The following GLCE variants were observed in gnomAD, a reference collection of about 807,000 sequenced individuals.
GLCE encodes D-glucuronyl C5-epimerase.
Under a neutral mutation model 47.9 loss-of-function variants are expected in GLCE, and 19 were observed. The ratio of observed to expected loss-of-function variants is 0.40; its 90% CI spans 0.28 to 0.58. GLCE has a LOEUF of 0.58. Among genes scored for constraint, GLCE ranks in the 20% least tolerant of loss-of-function variants. The pLI, the probability that GLCE is intolerant of heterozygous loss-of-function variation, is 0.48. For synonymous variants in GLCE, 245 were observed against 263.4 expected (o/e 0.93, Z 0.68); for missense variants, 556 against 743.3 (o/e 0.75, Z 2.93).
chr15:69,267,783 A>G (rs188500431), intron 4 of GLCE, among the ~76,000 whole-genome samples: 1 of 151,652 alleles, frequency 6.6e-6, no homozygotes, highest in African/African-American at 2.4e-5. Flanking sequence ...TTTAAAATTC[A>G]TGTATAACCA....
intron 1 of GLCE, among the ~76,000 whole-genome samples, chr15:69,205,861 A>G (rs1003870894): frequency 3.3e-5 from 5 of 152,100 alleles, no homozygotes; most frequent in Non-Finnish European, 7.4e-5. Context: ...AGGTGTATAG[A>G]AGAGTTACAA....
chr15:69,257,871 A>C (rs2052950296), intron 3 of GLCE, among the ~76,000 whole-genome samples: 1 of 152,068 alleles, frequency 6.6e-6, no homozygotes, highest in Non-Finnish European at 1.5e-5. Flanking sequence ...TTTTAAATGC[A>C]TGAAATTAAT....
In GLCE at chr15:69,270,806, A is replaced by C. The variant is rs1187614144; in HGVS notation, c.*1562A>C. The C allele has an allele frequency of 6.7e-6, 1 of 149,254 alleles. No homozygotes were observed. The highest frequency in any genetic ancestry group is 1.5e-5 in the Non-Finnish European group (1 of 67,006). 9.2% of individuals were successfully genotyped at this position (149,254 alleles called of 1,614,324 possible). On this transcript the variant is annotated 3_prime_UTR_variant, in exon 5 of 5. Transcript: ENST00000261858. ...GACATTAGACTGGCCATAGAAAAGT[A>C]AGCTTGAACTCCCAATTGATGTGAC...
chr15:69,255,098 A>G lies in GLCE; in HGVS notation c.-13-696A>G, dbSNP rs890804223. Among the ~76,000 whole-genome samples, 36 of 152,222 alleles carry G rather than the reference A, an allele frequency of 2.4e-4. 2 individuals are homozygous for G. Among genetic ancestry groups the G allele is most frequent in the Non-Finnish European group, 1.5e-5 (1 of 68,032 alleles). ...ATTTTATGCTGTTAGGAGGTCAAGT[A>G]GGATGAGCACTAAAAATTCATTGTT... On this transcript the variant is annotated intron_variant, in intron 2 of 4. Transcript: ENST00000261858.
At chr15:69,186,047 A>G (rs751623353) in intron 1 of GLCE, among the ~76,000 whole-genome samples, 29 of 152,144 alleles carry the variant, frequency 1.9e-4, no homozygotes, top group Non-Finnish European at 3.5e-4. Flanking sequence ...GAAGCGATGC[A>G]TAGGGTGAAG....
chr15:69,266,747 T>C (rs922887093), intron 4 of GLCE: 8 of 942,898 alleles, frequency 8.5e-6, no homozygotes, highest in Admixed American at 6.2e-5. Context: ...AAGAATACCA[T>C]CTCCAATATC....
chr15:69,270,168 A>G lies in GLCE; in HGVS notation c.*924A>G, dbSNP rs1283693753. On this transcript the variant is annotated 3_prime_UTR_variant, in exon 5 of 5. Transcript: ENST00000261858. Reference sequence around the variant, plus strand: ...AGCTAGTAGCTTTAAGGCCACCACCATATTTTACTTTTTTAGGATTTTTCC... The same window carrying G: ...AGCTAGTAGCTTTAAGGCCACCACCGTATTTTACTTTTTTAGGATTTTTCC... 1 of 151,450 alleles carries G rather than the reference A, an allele frequency of 6.6e-6. No homozygotes were observed. Among genetic ancestry groups the G allele is most frequent in the Non-Finnish European group, 1.5e-5 (1 of 67,816 alleles). 9.4% of individuals were successfully genotyped at this position (151,450 alleles called of 1,614,324 possible).
chr15:69,212,979 T>TA (rs1431513086), intron 2 of GLCE, among the ~76,000 whole-genome samples: 2 of 152,038 alleles, frequency 1.3e-5, no homozygotes, highest in African/African-American at 2.4e-5. Flanking sequence ...CAAATAAATT[T>TA]AAAAAAATCA....
intron 3 of GLCE, among the ~76,000 whole-genome samples, chr15:69,258,342 G>T: frequency 1.3e-5 from 2 of 151,886 alleles, no homozygotes; most frequent in South Asian, 2.1e-4. Context: ...CTTTTTTATG[G>T]CTGCATAGTA....
intron 2 of GLCE, among the ~76,000 whole-genome samples, chr15:69,242,896 A>G (rs2052692937): frequency 6.6e-6 from 1 of 151,410 alleles, no homozygotes; most frequent in Admixed American, 6.6e-5. Context: ...AAATAAAAAT[A>G]AAAAATAAAA....
chr15:69,265,702 G>C (rs977143949), intron 4 of GLCE, among the ~76,000 whole-genome samples: 1 of 152,186 alleles, frequency 6.6e-6, no homozygotes, highest in Non-Finnish European at 1.5e-5. Flanking sequence ...CATTAAATTT[G>C]TGTAAATAAA....
Position 69,270,952 on chromosome 15 carries a change from C to T in GLCE, c.*1708C>T, listed in dbSNP as rs2053159290. 1 of 152,192 alleles carries T rather than the reference C, an allele frequency of 6.6e-6. No homozygotes were observed. Among genetic ancestry groups the T allele is most frequent in the East Asian group, 1.9e-4 (1 of 5,200 alleles). The allele number at this position is 152,192 out of a possible 1,614,324, so 9.4% of individuals were successfully genotyped here. A position where few individuals can be genotyped will look rare whatever the true frequency, so the allele number is the denominator to read the frequency against. On this transcript the variant is annotated 3_prime_UTR_variant, in exon 5 of 5. Transcript: ENST00000261858. ...GTCTCAGCAAGAATATCTGGTCTCC[C>T]CTAATTTTTATTCCCAGTGCCGATG...
chr15:69,161,315 G>A (rs1455598136), intron 1 of GLCE, among the ~76,000 whole-genome samples: 1 of 152,080 alleles, frequency 6.6e-6, no homozygotes, highest in South Asian at 2.1e-4. Context: ...GGGTTCTGGG[G>A]AGAGGGGTCT....
At chr15:69,238,748 T>G (rs2052626258) in intron 2 of GLCE, among the ~76,000 whole-genome samples, 1 of 152,096 alleles carries the variant, frequency 6.6e-6, no homozygotes, top group Non-Finnish European at 1.5e-5. Context: ...AGTTTGAAAA[T>G]GAACATACAT....
Position 69,271,929 on chromosome 15 carries a change from T to G in GLCE, c.*2685T>G, listed in dbSNP as rs1240795383. ...TATTTTCATCCTCCTTGTGGTTGCTTTTCTTGTTTCTCTTCCATTGTACAT... is the reference window on the plus strand; with the variant it reads ...TATTTTCATCCTCCTTGTGGTTGCTGTTCTTGTTTCTCTTCCATTGTACAT... On this transcript the variant is annotated 3_prime_UTR_variant, in exon 5 of 5. Coordinates refer to ENST00000261858, the MANE Select transcript of GLCE (RefSeq NM_015554.3). 1 of 152,652 alleles carries G rather than the reference T, an allele frequency of 6.6e-6. No homozygotes were observed. The highest frequency in any genetic ancestry group is 1.5e-5 in the Non-Finnish European group (1 of 68,046). The allele number at this position is 152,652 out of a possible 1,614,324, so 9.5% of individuals were successfully genotyped here.
chr15:69,173,313 A>C (rs1216284780), intron 1 of GLCE, among the ~76,000 whole-genome samples: 5 of 152,224 alleles, frequency 3.3e-5, no homozygotes, highest in Non-Finnish European at 7.3e-5. Context: ...GAGGTTGTTT[A>C]GCATGGAAGA....
intron 1 of GLCE, among the ~76,000 whole-genome samples, chr15:69,208,324 T>A (rs1000706110): frequency 2.6e-5 from 4 of 152,066 alleles, no homozygotes; most frequent in Non-Finnish European, 5.9e-5. Context: ...ACATGAGGGT[T>A]TAGGTGAAAT....
At chr15:69,230,867 A>C (rs916054143) in intron 2 of GLCE, among the ~76,000 whole-genome samples, 2 of 152,196 alleles carry the variant, frequency 1.3e-5, no homozygotes, top group African/African-American at 2.4e-5. Context: ...TCAAGGGGCC[A>C]GTAGGATTAT....
intron 2 of GLCE, among the ~76,000 whole-genome samples, chr15:69,249,537 G>A (rs184611326): frequency 5.3e-4 from 80 of 152,120 alleles, no homozygotes; most frequent in Non-Finnish European, 6.5e-4. Flanking sequence ...TTAAGAGTAA[G>A]CATTCTTCTC....
Sources: allele counts gnomAD v4.1 joint callset (sites outside exome capture counted in the v4.1 genomes callset), GRCh38; gene constraint gnomAD v4.1.1; transcripts MANE v1.5; gene names NCBI Gene and HGNC (gene_info 2026-07-23, HGNC 2026-07-21).